The following GALNT7 variants were observed in gnomAD, a reference collection of about 807,000 sequenced individuals.
The protein encoded by GALNT7 is N-acetylgalactosaminyltransferase 7.
A neutral mutation model predicts 82.1 loss-of-function variants in GALNT7; 60 were observed. The observed-to-expected ratio is 0.73, with a 90% CI of 0.59 to 0.91. The LOEUF (loss-of-function observed/expected upper bound fraction) is 0.91. Ranked by LOEUF, GALNT7 falls within the 40% of genes least tolerant of loss-of-function variation. GALNT7 has a pLI of 0.00. For missense variants in GALNT7, 660 were observed against 804.2 expected, an observed-to-expected ratio of 0.82 and a Z score of 2.17; for synonymous variants, 243 against 275.1, an observed-to-expected ratio of 0.88 and a Z score of 1.15.
chr4:173,231,792 A>T (rs1484565695), intron 1 of GALNT7, among the ~76,000 whole-genome samples: 3 of 152,118 alleles, frequency 2.0e-5, no homozygotes, highest in African/African-American at 7.2e-5. Context: ...TGTATATGGG[A>T]GTAGAAATAA....
At chr4:173,250,570 A>G (rs1193189897) in intron 2 of GALNT7, among the ~76,000 whole-genome samples, 1 of 151,716 alleles carries the variant, frequency 6.6e-6, no homozygotes, top group Non-Finnish European at 1.5e-5. Context: ...TGCAACCATC[A>G]TCTCTCCTGG....
At chr4:173,226,474 G>C (rs1733830616) in intron 1 of GALNT7, among the ~76,000 whole-genome samples, 1 of 152,154 alleles carries the variant, frequency 6.6e-6, no homozygotes, top group African/African-American at 2.4e-5. Context: ...GGTTCTCAAA[G>C]AGGTCAATGC....
intron 2 of GALNT7, 134 bp downstream of exon 2, chr4:173,248,574 C>T (rs979214137): frequency 2.7e-5 from 17 of 638,838 alleles, no homozygotes; most frequent in Admixed American, 6.0e-5. Context: ...GATCTTTGAA[C>T]AGCAAAATGG....
At chr4:173,256,181 G>A (rs1018861379) in intron 2 of GALNT7, among the ~76,000 whole-genome samples, 15 of 152,146 alleles carry the variant, frequency 9.9e-5, no homozygotes, top group African/African-American at 3.6e-4. Flanking sequence ...CCGGCTTTAA[G>A]ACTCACTCAC....
At chr4:173,277,808 A>G (rs1242091734) in intron 2 of GALNT7, among the ~76,000 whole-genome samples, 1 of 152,238 alleles carries the variant, frequency 6.6e-6, no homozygotes, top group Non-Finnish European at 1.5e-5. Flanking sequence ...CAGATGTGCA[A>G]TACTTTTTTG....
At chr4:173,177,389 C>T (rs1489089899) in intron 1 of GALNT7, among the ~76,000 whole-genome samples, 1 of 151,922 alleles carries the variant, frequency 6.6e-6, no homozygotes, top group Non-Finnish European at 1.5e-5. Flanking sequence ...TTAACCAGGT[C>T]GATGGAGCTC....
intron 1 of GALNT7, among the ~76,000 whole-genome samples, chr4:173,190,794 A>C (rs1332070605): frequency 2.6e-5 from 4 of 152,174 alleles, no homozygotes; most frequent in Non-Finnish European, 5.9e-5. Context: ...TTGGTTGTTA[A>C]TAGAGTCAAT....
At chr4:173,265,587 A>ATCTCTCTCTCTCTCTCTCTC (rs59676800) in intron 2 of GALNT7, among the ~76,000 whole-genome samples, 1 of 117,966 alleles carries the variant, frequency 8.5e-6, no homozygotes, top group African/African-American at 3.4e-5. Context: ...TGGCGTAAGC[A>ATCTCTCTCTCTCTCTCTCTC]TCTCTCTCTC....
chr4:173,321,783 T>G lies in GALNT7; in HGVS notation c.*66T>G, dbSNP rs1184929968. The G allele has an allele frequency of 2.8e-6, 3 of 1,054,824 alleles. No homozygotes were observed. In the African/African-American group the frequency reaches 4.7e-5, roughly 17 times the overall value. The allele number at this position is 1,054,824 out of a possible 1,614,324, so 65.3% of individuals were successfully genotyped here. A position where few individuals can be genotyped will look rare whatever the true frequency, so the allele number is the denominator to read the frequency against. On this transcript the variant is annotated 3_prime_UTR_variant, in exon 12 of 12. Transcript: ENST00000265000. ...AATTTATACAGGACTGAAAACCGCC[T>G]GAAACCTGCTGCAACTATTGTTATT...
intron 1 of GALNT7, among the ~76,000 whole-genome samples, chr4:173,212,912 C>G (rs1447085370): frequency 6.6e-6 from 1 of 151,806 alleles, no homozygotes; most frequent in Admixed American, 6.6e-5. Flanking sequence ...TTAAAAATAC[C>G]TTTTGTGGAA....
intron 1 of GALNT7, among the ~76,000 whole-genome samples, chr4:173,247,121 A>G (rs1734665612): frequency 6.6e-6 from 1 of 152,056 alleles, no homozygotes; most frequent in East Asian, 1.9e-4. Context: ...GATCAAGGTG[A>G]TGCCAATGTT....
chr4:173,265,550 T>TG (rs1561180627), intron 2 of GALNT7, among the ~76,000 whole-genome samples: 1 of 151,794 alleles, frequency 6.6e-6, no homozygotes, highest in Non-Finnish European at 1.5e-5. Context: ...AGCAAGTACA[T>TG]GCTAGCTGTT....
intron 1 of GALNT7, among the ~76,000 whole-genome samples, chr4:173,184,103 T>C (rs1732383593): frequency 6.8e-6 from 1 of 146,486 alleles, no homozygotes; most frequent in African/African-American, 2.6e-5. Context: ...GAGGCTCTCC[T>C]CACTTCCCAG....
intron 1 of GALNT7, among the ~76,000 whole-genome samples, chr4:173,193,718 A>C (rs1351764314): frequency 1.3e-5 from 2 of 152,172 alleles, no homozygotes. Context: ...CCAACCTCCC[A>C]AATAATGAGT....
chr4:173,216,720 TA>T (rs1561157846), intron 1 of GALNT7, among the ~76,000 whole-genome samples: 26 of 37,112 alleles, frequency 7.0e-4, no homozygotes, highest in African/African-American at 2.5e-3. Context: ...TATATATATA[TA>T]TATATATTTT....
At chr4:173,192,522 A>G (rs949120315) in intron 1 of GALNT7, among the ~76,000 whole-genome samples, 1 of 152,208 alleles carries the variant, frequency 6.6e-6, no homozygotes, top group Non-Finnish European at 1.5e-5. Context: ...AGGTATCAGA[A>G]TCACCAAACA....
At chr4:173,318,587 T>C in intron 11 of GALNT7, 28 bp downstream of exon 11, 1 of 1,382,262 alleles carries the variant, frequency 7.2e-7, no homozygotes, top group Non-Finnish European at 1.0e-6. Flanking sequence ...TTCTGAAATA[T>C]TATATGCTTT....
intron 2 of GALNT7, among the ~76,000 whole-genome samples, chr4:173,270,811 C>T (rs2126788135): frequency 6.6e-6 from 1 of 152,330 alleles, no homozygotes; most frequent in African/African-American, 2.4e-5. Flanking sequence ...GTTTTCCTTT[C>T]CCGCTTAAGC....
intron 2 of GALNT7, among the ~76,000 whole-genome samples, chr4:173,290,051 G>A (rs1339120090): frequency 6.6e-6 from 1 of 152,184 alleles, no homozygotes; most frequent in Non-Finnish European, 1.5e-5. Context: ...GCTGTTATGT[G>A]TTATATGCTG....
Sources: allele counts gnomAD v4.1 joint callset (sites outside exome capture counted in the v4.1 genomes callset), GRCh38; gene constraint gnomAD v4.1.1; transcripts MANE v1.5; gene names NCBI Gene and HGNC (gene_info 2026-07-23, HGNC 2026-07-21).